Variants in MFN2 observed in about 807,000 individuals in gnomAD.
The protein encoded by MFN2 is mitofusin-2.
A neutral mutation model predicts 87.5 loss-of-function variants in MFN2; 43 were observed. That is an observed-to-expected ratio of 0.49 (90% CI 0.38 to 0.63). The LOEUF (loss-of-function observed/expected upper bound fraction) is 0.63. Ranked by LOEUF, MFN2 falls within the 30% of genes least tolerant of loss-of-function variation. The probability of loss-of-function intolerance (pLI) is 0.00; values close to 1 mark genes in which losing one functional copy is unlikely to be tolerated. For synonymous variants in MFN2, 337 were observed against 359.9 expected (o/e 0.94, Z 0.72); for missense variants, 743 against 972.8 (o/e 0.76, Z 3.14).
At chr1:11,988,263 G>C (rs1007292366) in intron 2 of MFN2, among the ~76,000 whole-genome samples, 1 of 151,766 alleles carries the variant, frequency 6.6e-6, no homozygotes, top group Non-Finnish European at 1.5e-5. Context: ...CACCACACCC[G>C]GCTATATTTT....
chr1:12,010,548 G>A (rs572966929), intron 18 of MFN2, among the ~76,000 whole-genome samples: 1 of 152,206 alleles, frequency 6.6e-6, no homozygotes, highest in South Asian at 2.1e-4. Flanking sequence ...AGAGAAGCTG[G>A]TTACTTGGCT....
In MFN2 at chr1:11,998,898, C is replaced by T. The variant is rs1639049392; in HGVS notation, c.708+20C>T. ...CAGACGGTAACTCCTCCTCTGCCTT[C>T]TCCCAAGCTCCCAGCACCCCCTGGG... On this transcript the variant is annotated intron_variant, in intron 7 of 18. Coordinates refer to ENST00000235329, the MANE Select transcript of MFN2 (RefSeq NM_014874.4). The T allele has an allele frequency of 1.2e-6, 2 of 1,613,118 alleles. No homozygotes were observed. The highest frequency in any genetic ancestry group is 1.3e-5 in the African/African-American group (1 of 75,034).
At chr1:12,009,479 G>A in intron 17 of MFN2, 113 bp from the exon 18 acceptor site, 1 of 1,475,170 alleles carries the variant, frequency 6.8e-7, no homozygotes, top group Non-Finnish European at 9.5e-7. Flanking sequence ...TCAGGGCAGA[G>A]CTGCTGGCAG....
At chr1:12,007,612 T>G (rs1285234693) in intron 17 of MFN2, among the ~76,000 whole-genome samples, 1 of 152,230 alleles carries the variant, frequency 6.6e-6, no homozygotes, top group Non-Finnish European at 1.5e-5. Context: ...TTAGGTCAGG[T>G]GGGAATCTAT....
At chr1:12,001,179 T>G (rs2100838326) in intron 8 of MFN2, among the ~76,000 whole-genome samples, 1 of 152,138 alleles carries the variant, frequency 6.6e-6, no homozygotes, top group East Asian at 1.9e-4. Flanking sequence ...CCTGGCTAAT[T>G]TTTTTGTATT....
chr1:12,004,084 G>C lies in MFN2; in HGVS notation c.1253G>C (p.Arg418Pro). The C allele has an allele frequency of 6.2e-7, 1 of 1,614,166 alleles. No homozygotes were observed. The highest frequency in any genetic ancestry group is 8.5e-7 in the Non-Finnish European group (1 of 1,180,034). Residue 418 changes from arginine to proline, a missense_variant, in exon 12 of 19, where the codon CGA becomes CCA. This residue lies in a region of MFN2 where 571 missense variants were observed against 670.7 expected (regional missense o/e 0.85). Transcript: ENST00000235329. This position sits in a 1 kb window ranked among gnomAD's most constrained non-coding sequence, Gnocchi z 4.2. The stretch of plus-strand genomic sequence containing the variant: ...CTCTTGGCTCAAGACTATAAGCTGC[G>C]AATTAAGCAGATTACGGAGGAAGTG... ...LELLAQDYKL[R>P]IKQITEEVER... is the part of the protein sequence containing the mutation.
intron 2 of MFN2, among the ~76,000 whole-genome samples, chr1:11,985,657 G>A (rs975052165): frequency 1.3e-5 from 2 of 151,874 alleles, no homozygotes; most frequent in Admixed American, 6.6e-5. Flanking sequence ...TCATAGAGAC[G>A]GGGTTTCACC....
intron 5 of MFN2, among the ~76,000 whole-genome samples, chr1:11,996,823 A>C (rs903493889): frequency 2.0e-5 from 3 of 152,168 alleles, no homozygotes; most frequent in African/African-American, 7.2e-5. Flanking sequence ...GGATCATTTG[A>C]GGTCAGGAGT....
At chr1:11,993,277 C>G (rs2100814611) in intron 4 of MFN2, among the ~76,000 whole-genome samples, 1 of 151,436 alleles carries the variant, frequency 6.6e-6, no homozygotes, top group South Asian at 2.1e-4. Context: ...ATTCCACTTA[C>G]ATGAATTTAA....
Position 12,007,053 on chromosome 1 carries a change from G to A in MFN2, c.1873G>A (p.Val625Met). 1 of 1,613,476 alleles carries A rather than the reference G, an allele frequency of 6.2e-7. No homozygotes were observed. Among genetic ancestry groups the A allele is most frequent in the Non-Finnish European group, 8.5e-7 (1 of 1,180,044 alleles). ...TCCAGGCTGACCATGTGCTCTGCAGGTGTGGAAGGCAGTGGGCTGGCGGCT... is the reference window on the plus strand; with the variant it reads ...TCCAGGCTGACCATGTGCTCTGCAGATGTGGAAGGCAGTGGGCTGGCGGCT... ...SMGILVVGGV[V>M]WKAVGWRLIA... The change falls in exon 17 of 19, where the codon GTG becomes ATG. Residue 625 changes from valine to methionine, a missense_variant and splice_region_variant. Transcript: ENST00000235329.
chr1:11,988,774 C>T (rs1638542424), intron 2 of MFN2, among the ~76,000 whole-genome samples: 1 of 152,116 alleles, frequency 6.6e-6, no homozygotes, highest in African/African-American at 2.4e-5. Context: ...GATCTTGGTT[C>T]ATTGCAGCCT....
chr1:11,983,007 C>T (rs1025940879), intron 2 of MFN2, among the ~76,000 whole-genome samples: 1 of 152,168 alleles, frequency 6.6e-6, no homozygotes, highest in Admixed American at 6.5e-5. Flanking sequence ...GCTGTGCTCA[C>T]GTGCTCCACT....
At chr1:12,001,348 G>C in intron 8 of MFN2, 53 bp from the exon 9 acceptor site, 2 of 1,607,364 alleles carry the variant, frequency 1.2e-6, no homozygotes, top group Non-Finnish European at 1.7e-6. Flanking sequence ...AGAGGCAGGT[G>C]GGGGCTGTGG....
intron 17 of MFN2, among the ~76,000 whole-genome samples, chr1:12,007,837 A>G (rs11121848): frequency 0.57 from 86,733 of 151,558 alleles, 25,257 homozygotes; most frequent in South Asian, 0.63. Flanking sequence ...AGTGGAGGGA[A>G]GGTCAGCAGA....
Position 12,004,301 on chromosome 1 carries a change from T to G in MFN2, c.1287+183T>G, listed in dbSNP as rs931301159. Reference sequence around the variant, plus strand: ...GTTGTGTGATGCTGGGCATGTTCCCTTTCCTCTGGACCTCCACAGATCATG... The same window carrying G: ...GTTGTGTGATGCTGGGCATGTTCCCGTTCCTCTGGACCTCCACAGATCATG... On this transcript the variant is annotated intron_variant, in intron 12 of 18. Transcript: ENST00000235329. The surrounding 1 kb of genome is among the most constrained non-coding windows in gnomAD (Gnocchi z 4.2). Among the ~76,000 whole-genome samples the G allele has an allele frequency of 3.3e-5, 5 of 152,190 alleles. No homozygotes were observed. The highest frequency in any genetic ancestry group is 7.2e-5 in the African/African-American group (3 of 41,460).
chr1:12,006,750 G>A, intron 16 of MFN2, 57 bp downstream of exon 16: 3 of 1,608,888 alleles, frequency 1.9e-6, no homozygotes, highest in Non-Finnish European at 8.5e-7. Context: ...GGCGGGGCCT[G>A]AGGGCTAGGT....
chr1:11,993,247 T>C (rs1028017015), intron 4 of MFN2, among the ~76,000 whole-genome samples: 3 of 152,024 alleles, frequency 2.0e-5, no homozygotes, highest in African/African-American at 4.8e-5. Context: ...TGTTTTTTTT[T>C]CTCCATTCAT....
chr1:12,007,992 C>G (rs1000514448), intron 17 of MFN2, among the ~76,000 whole-genome samples: 1 of 152,070 alleles, frequency 6.6e-6, no homozygotes, highest in Non-Finnish European at 1.5e-5. Context: ...TTTAACAAAG[C>G]ACACCTTGCA....
chr1:11,994,226 A>T (rs943980974), intron 4 of MFN2, among the ~76,000 whole-genome samples: 2 of 152,208 alleles, frequency 1.3e-5, no homozygotes, highest in East Asian at 3.8e-4. Context: ...TTGCTTTGAC[A>T]TGGAAGCAGT....
Sources: allele counts gnomAD v4.1 joint callset (sites outside exome capture counted in the v4.1 genomes callset), GRCh38; gene constraint gnomAD v4.1.1; regional missense constraint gnomAD v4.1.1; non-coding constraint Gnocchi (gnomAD v3.1); transcripts MANE v1.5; gene names NCBI Gene and HGNC (gene_info 2026-07-23, HGNC 2026-07-21).